SLCO1B1: variants seen among roughly 807,000 people sequenced by gnomAD.
The protein encoded by SLCO1B1 is OATP-2.
Under a neutral mutation model 70.1 loss-of-function variants are expected in SLCO1B1, and 81 were observed. The observed-to-expected ratio is 1.16, with a 90% CI of 0.97 to 1.39. SLCO1B1 has a LOEUF of 1.39. SLCO1B1 is among the 40% of genes most tolerant of loss of function. The pLI is 0.00. For missense variants in SLCO1B1, 895 were observed against 799.6 expected (o/e 1.12, Z -1.44); for synonymous variants, 283 against 271.5 (o/e 1.04, Z -0.42).
At chr12:21,210,947 A>G (rs991158628) in intron 11 of SLCO1B1, among the ~76,000 whole-genome samples, 3 of 152,102 alleles carry the variant, frequency 2.0e-5, no homozygotes, top group African/African-American at 4.8e-5. Flanking sequence ...TTATCAGTTT[A>G]AGGAGATTTT....
At chr12:21,145,153 T>C (rs1309048472) in intron 2 of SLCO1B1, among the ~76,000 whole-genome samples, 1 of 152,188 alleles carries the variant, frequency 6.6e-6, no homozygotes, top group Non-Finnish European at 1.5e-5. Context: ...AACCGTTTTG[T>C]TGTCTTCATG....
chr12:21,179,698 C>A (rs1310814507), intron 7 of SLCO1B1, among the ~76,000 whole-genome samples: 1 of 151,964 alleles, frequency 6.6e-6, no homozygotes, highest in Non-Finnish European at 1.5e-5. Flanking sequence ...TCTTCTTTTT[C>A]TTTTTTGCAG....
chr12:21,136,323 C>T (rs142477217), intron 1 of SLCO1B1, among the ~76,000 whole-genome samples: 5,745 of 152,074 alleles, frequency 0.038, 393 homozygotes, highest in East Asian at 0.32. Context: ...AGTTGCTCTT[C>T]TCGAGGAGTA....
At chr12:21,178,819 A>G in intron 6 of SLCO1B1, 97 bp downstream of exon 6, 1 of 1,378,126 alleles carries the variant, frequency 7.3e-7, no homozygotes, top group Non-Finnish European at 1.0e-6. Flanking sequence ...CTATTAGAAC[A>G]TATATTTGGG....
intron 2 of SLCO1B1, among the ~76,000 whole-genome samples, chr12:21,154,989 A>AT (rs1270918630): frequency 2.0e-5 from 3 of 151,370 alleles, no homozygotes; most frequent in Non-Finnish European, 1.5e-5. Flanking sequence ...AAAGGCCTCA[A>AT]TTTTTTTTCT....
Position 21,197,087 on chromosome 12 carries a change from G to T in SLCO1B1, c.869G>T (p.Arg290Ile). Residue 290 changes from arginine to isoleucine, a missense_variant, in exon 8 of 15, where the codon AGA becomes ATA. Coordinates refer to ENST00000256958, the MANE Select transcript of SLCO1B1 (RefSeq NM_006446.5). ...ACTCCAAATAAACCACAAAAAGAAA[G>T]AAAAGCTTCACTGTCTTTGCATGTG... ...PQTPNKPQKE[R>I]KASLSLHVLE... 6.2e-7 allele frequency: 1 copy of T among 1,613,520 alleles called. No homozygotes were observed. Among genetic ancestry groups the T allele is most frequent in the Non-Finnish European group, 8.5e-7 (1 of 1,179,656 alleles).
At chr12:21,234,053 G>A (rs1474957328) in intron 14 of SLCO1B1, among the ~76,000 whole-genome samples, 1 of 152,228 alleles carries the variant, frequency 6.6e-6, no homozygotes, top group Non-Finnish European at 1.5e-5. Context: ...CAGCTGTGCA[G>A]TACACCAGAG....
chr12:21,146,463 C>A (rs944126417), intron 2 of SLCO1B1, among the ~76,000 whole-genome samples: 3 of 151,886 alleles, frequency 2.0e-5, no homozygotes, highest in African/African-American at 7.3e-5. Context: ...AATTTTTATT[C>A]TATTTTTTCT....
At chr12:21,223,570 A>C (rs1364123420) in intron 13 of SLCO1B1, among the ~76,000 whole-genome samples, 3 of 152,126 alleles carry the variant, frequency 2.0e-5, no homozygotes, top group Non-Finnish European at 4.4e-5. Flanking sequence ...TCATTTCCTC[A>C]GTACCGGGTT....
intron 7 of SLCO1B1, among the ~76,000 whole-genome samples, chr12:21,184,062 T>G (rs1302505955): frequency 6.6e-6 from 1 of 150,648 alleles, no homozygotes. Context: ...AAAAAAAACA[T>G]AAAAATGAAG....
At chr12:21,196,030 G>A (rs569372033) in intron 7 of SLCO1B1, among the ~76,000 whole-genome samples, 2 of 152,254 alleles carry the variant, frequency 1.3e-5, no homozygotes, top group Admixed American at 1.3e-4. Context: ...TGAATGCATG[G>A]TATTATAATG....
chr12:21,204,367 T>G (rs1238684180), intron 10 of SLCO1B1, among the ~76,000 whole-genome samples: 1 of 152,030 alleles, frequency 6.6e-6, no homozygotes, highest in African/African-American at 2.4e-5. Context: ...ATATGTGTGC[T>G]TATGTACTTT....
intron 14 of SLCO1B1, among the ~76,000 whole-genome samples, chr12:21,227,732 A>G (rs541848717): frequency 2.0e-5 from 3 of 152,084 alleles, no homozygotes; most frequent in South Asian, 2.1e-4. Flanking sequence ...CCCCAAAGCA[A>G]TGACCACAAC....
At chr12:21,138,513 C>G (rs1940260469) in intron 1 of SLCO1B1, among the ~76,000 whole-genome samples, 1 of 152,152 alleles carries the variant, frequency 6.6e-6, no homozygotes, top group African/African-American at 2.4e-5. Context: ...TTCCAACTTT[C>G]TAGTTACTTT....
chr12:21,200,451 T>C (rs1354895491), intron 8 of SLCO1B1, 57 bp from the exon 9 acceptor site: 3 of 1,156,208 alleles, frequency 2.6e-6, no homozygotes, highest in South Asian at 1.6e-5. Context: ...AAATTTTAGA[T>C]ATAAATGTAT....
At chr12:21,171,094 T>C (rs1429669265) in intron 2 of SLCO1B1, among the ~76,000 whole-genome samples, 1 of 152,194 alleles carries the variant, frequency 6.6e-6, no homozygotes, top group Non-Finnish European at 1.5e-5. Context: ...ATAAATGTAT[T>C]GTGAGCAGAA....
intron 14 of SLCO1B1, among the ~76,000 whole-genome samples, chr12:21,237,090 C>G (rs907971741): frequency 1.3e-5 from 2 of 152,032 alleles, no homozygotes; most frequent in African/African-American, 4.8e-5. Flanking sequence ...TATACTTGTT[C>G]TTTGATCCTA....
At chr12:21,174,746 A>G (rs1940798940) in intron 4 of SLCO1B1, 37 bp downstream of exon 4, 2 of 1,589,356 alleles carry the variant, frequency 1.3e-6, no homozygotes, top group South Asian at 2.3e-5. Context: ...CTGTGCCACT[A>G]TCAGTACCTT....
chr12:21,214,360 C>A (rs574987345), intron 11 of SLCO1B1, among the ~76,000 whole-genome samples: 1 of 150,640 alleles, frequency 6.6e-6, no homozygotes, highest in East Asian at 2.0e-4. Flanking sequence ...GCGTGCCTCC[C>A]AGTTAGGCTG....
Sources: allele counts gnomAD v4.1 joint callset (sites outside exome capture counted in the v4.1 genomes callset), GRCh38; gene constraint gnomAD v4.1.1; transcripts MANE v1.5; gene names NCBI Gene and HGNC (gene_info 2026-07-23, HGNC 2026-07-21).